Variants in DNAH11 observed in about 807,000 individuals in gnomAD.
DNAH11 encodes dynein axonemal heavy chain 11, also known as axonemal beta dynein heavy chain 11.
A neutral mutation model predicts 526.0 loss-of-function variants in DNAH11; 442 were observed. The ratio of observed to expected loss-of-function variants is 0.84; its 90% CI spans 0.78 to 0.91. The LOEUF is 0.91. Ranked by LOEUF, DNAH11 falls within the 40% of genes least tolerant of loss-of-function variation. The pLI is 0.00. For synonymous variants in DNAH11, 2,461 were observed against 1,935.9 expected, an observed-to-expected ratio of 1.27 and a Z score of -7.12; for missense variants, 6,989 against 5,448.7, an observed-to-expected ratio of 1.28 and a Z score of -8.90.
chr7:21,842,485 C>T (rs551129348), intron 65 of DNAH11, 59 bp from the exon 66 acceptor site: 18 of 1,388,892 alleles, frequency 1.3e-5, no homozygotes, highest in South Asian at 2.8e-5. Context: ...GGAATGACAC[C>T]GTAGTATCAG....
intron 25 of DNAH11, among the ~76,000 whole-genome samples, chr7:21,626,340 C>T (rs1181724453): frequency 6.6e-6 from 1 of 151,996 alleles, no homozygotes; most frequent in Non-Finnish European, 1.5e-5. Context: ...ATGTATATGC[C>T]ATTCTTAAAT....
intron 28 of DNAH11, among the ~76,000 whole-genome samples, chr7:21,655,469 A>G (rs1781973587): frequency 6.6e-6 from 1 of 152,180 alleles, no homozygotes; most frequent in South Asian, 2.1e-4. Context: ...GTGTACACTA[A>G]TGCTAGGAAT....
intron 14 of DNAH11, among the ~76,000 whole-genome samples, chr7:21,598,607 AAATAAATAAAT>A (rs1784955251): frequency 6.6e-6 from 1 of 151,830 alleles, no homozygotes; most frequent in African/African-American, 2.4e-5. Flanking sequence ...ATAAATAAAT[AAATAAATAAAT>A]AAATAAATTG....
chr7:21,641,509 TC>T (rs1226124462), intron 28 of DNAH11, among the ~76,000 whole-genome samples: 1 of 152,198 alleles, frequency 6.6e-6, no homozygotes, highest in African/African-American at 2.4e-5. Context: ...CACCTCTTTG[TC>T]CTTAATTGAA....
chr7:21,591,506 A>G lies in DNAH11; in HGVS notation c.2596A>G (p.Lys866Glu), dbSNP rs774136727. Residue 866 changes from lysine to glutamate, a missense_variant, in exon 14 of 82, where the codon AAG (lysine) becomes GAG (glutamate). By Grantham distance (56) the Lys-to-Glu change is moderately conservative. Coordinates refer to ENST00000409508, the MANE Select transcript of DNAH11 (RefSeq NM_001277115.2). The stretch of plus-strand genomic sequence containing the variant: ...AGAGGCAGCCTTCACCTTGGAGGAC[A>G]AGGGTGATTTGTTTACAAAAAAATA... ...RREAAFTLED[K>E]GDLFTKKYKL... The G allele has an allele frequency of 2.0e-5, 32 of 1,607,058 alleles. No individual in the cohort carries two copies. Among genetic ancestry groups the G allele is most frequent in the Non-Finnish European group, 2.7e-5 (32 of 1,174,996 alleles).
At chr7:21,784,399 G>T in intron 57 of DNAH11, 28 bp from the exon 58 acceptor site, 1 of 1,531,034 alleles carries the variant, frequency 6.5e-7, no homozygotes, top group African/African-American at 1.4e-5. Context: ...AATTTATACG[G>T]GTTTGTGTGC....
At chr7:21,788,625 C>T (rs1788296191) in intron 60 of DNAH11, among the ~76,000 whole-genome samples, 1 of 152,132 alleles carries the variant, frequency 6.6e-6, no homozygotes, top group African/African-American at 2.4e-5. Context: ...ATGGTCCATT[C>T]AAACAACATG....
At chr7:21,684,151 G>A (rs1452331026) in intron 32 of DNAH11, among the ~76,000 whole-genome samples, 1 of 152,164 alleles carries the variant, frequency 6.6e-6, no homozygotes, top group Non-Finnish European at 1.5e-5. Context: ...GCTCAAGGAA[G>A]CATTGTTGAT....
intron 20 of DNAH11, among the ~76,000 whole-genome samples, chr7:21,607,233 G>C (rs1047090898): frequency 4.6e-5 from 7 of 152,070 alleles, no homozygotes; most frequent in African/African-American, 1.7e-4. Context: ...ATCTAGCACG[G>C]GAGAAAGATG....
At chr7:21,800,307 T>C (rs1441385794) in intron 61 of DNAH11, among the ~76,000 whole-genome samples, 1 of 152,164 alleles carries the variant, frequency 6.6e-6, no homozygotes, top group Non-Finnish European at 1.5e-5. Flanking sequence ...GACAATGGAT[T>C]ATCTCTGAGT....
At chr7:21,888,281 G>C (rs1222639602) in intron 76 of DNAH11, among the ~76,000 whole-genome samples, 1 of 152,176 alleles carries the variant, frequency 6.6e-6, no homozygotes. Flanking sequence ...AAATGCATTT[G>C]TTTAAATTCA....
chr7:21,807,280 CT>C (rs1789305363), intron 62 of DNAH11, among the ~76,000 whole-genome samples: 1 of 152,164 alleles, frequency 6.6e-6, no homozygotes, highest in Non-Finnish European at 1.5e-5. Flanking sequence ...AGGTGGATTG[CT>C]TGAGCTCATG....
At chr7:21,650,743 G>A (rs1268690267) in intron 28 of DNAH11, among the ~76,000 whole-genome samples, 4 of 151,538 alleles carry the variant, frequency 2.6e-5, no homozygotes, top group Non-Finnish European at 5.9e-5. Flanking sequence ...GGGTTCAAGC[G>A]ATTCTCCTGC....
At chr7:21,800,624 C>T (rs765354647) in intron 61 of DNAH11, among the ~76,000 whole-genome samples, 3 of 151,852 alleles carry the variant, frequency 2.0e-5, no homozygotes, top group Admixed American at 6.6e-5. Flanking sequence ...GAGCAATACT[C>T]ATTCCAAAAA....
At chr7:21,866,002 G>T (rs1783258584) in intron 70 of DNAH11, among the ~76,000 whole-genome samples, 1 of 152,136 alleles carries the variant, frequency 6.6e-6, no homozygotes, top group Non-Finnish European at 1.5e-5. Context: ...TGGTTTTGTT[G>T]GGTTTTAGCC....
intron 68 of DNAH11, among the ~76,000 whole-genome samples, chr7:21,855,032 T>A (rs1782785761): frequency 2.6e-5 from 1 of 38,206 alleles, no homozygotes; most frequent in African/African-American, 6.3e-5. Context: ...TCTCTTAATT[T>A]TTTTTTTTTT....
chr7:21,792,994 A>G (rs1020164157), intron 61 of DNAH11, among the ~76,000 whole-genome samples: 1 of 151,980 alleles, frequency 6.6e-6, no homozygotes, highest in African/African-American at 2.4e-5. Context: ...TTATTTTTCT[A>G]TGTAGGCATT....
chr7:21,711,615 C>T, intron 41 of DNAH11, 97 bp from the exon 42 acceptor site: 1 of 1,491,416 alleles, frequency 6.7e-7, no homozygotes, highest in South Asian at 1.4e-5. Context: ...AGTGAGCACA[C>T]AGCCTGTGAT....
intron 45 of DNAH11, among the ~76,000 whole-genome samples, chr7:21,729,711 TC>T (rs377690591): frequency 0.65 from 98,583 of 151,746 alleles, 32,456 homozygotes; most frequent in South Asian, 0.73. Context: ...AACACTGAGG[TC>T]TCACCAGAAC....
Sources: gnomAD v4.1 joint callset for allele counts (sites outside exome capture counted in the v4.1 genomes callset) on GRCh38, gnomAD v4.1.1 for gene constraint, MANE v1.5 for transcripts, NCBI Gene and HGNC (gene_info 2026-07-23, HGNC 2026-07-21) for gene names.